SNTB1: variants seen among roughly 807,000 people sequenced by gnomAD.
SNTB1 encodes the protein beta-1-syntrophin.
In SNTB1, 36 loss-of-function variants were observed where a neutral mutation model predicts 48.9. That is an observed-to-expected ratio of 0.74 (90% confidence interval 0.56 to 0.97). The LOEUF is 0.97. Ranked by LOEUF, SNTB1 falls within the 50% of genes least tolerant of loss-of-function variation. The pLI is 0.00. For missense variants in SNTB1, 786 were observed against 703.4 expected (o/e 1.12, Z -1.33); for synonymous variants, 299 against 294.6 (o/e 1.01, Z -0.15).
rs112878980 is a variant in SNTB1, at chr8:120,564,116, A to C, written c.1136+10970T>G. Among the ~76,000 whole-genome samples the C allele has an allele frequency of 6.3e-3, 959 of 151,606 alleles. 4 individuals are homozygous for C. Among genetic ancestry groups the C allele is most frequent in the Middle Eastern group, 6.9e-3 (2 of 290 alleles). ...AGAGCAAAACTCTGTCTCAAACAAAAAAAAAAAAAAAGAATTATGTACATA... is the reference window on the plus strand; with the variant it reads ...AGAGCAAAACTCTGTCTCAAACAAACAAAAAAAAAAAGAATTATGTACATA... On this transcript the variant is annotated intron_variant, in intron 4 of 6. Coordinates refer to ENST00000517992, the MANE Select transcript of SNTB1 (RefSeq NM_021021.4).
At chr8:120,727,934 G>T (rs1300654885) in intron 1 of SNTB1, among the ~76,000 whole-genome samples, 2 of 152,144 alleles carry the variant, frequency 1.3e-5, no homozygotes, top group Non-Finnish European at 2.9e-5. Flanking sequence ...TGTAACTGTG[G>T]TACGGTATTA....
At chr8:120,596,316 T>C (rs1816324808) in intron 3 of SNTB1, among the ~76,000 whole-genome samples, 1 of 152,238 alleles carries the variant, frequency 6.6e-6, no homozygotes, top group African/African-American at 2.4e-5. Flanking sequence ...AATATCAACA[T>C]TTATTAATTT....
intron 4 of SNTB1, among the ~76,000 whole-genome samples, chr8:120,564,620 G>A (rs1215503132): frequency 3.2e-5 from 4 of 126,006 alleles, no homozygotes; most frequent in Admixed American, 1.0e-4. Context: ...CCAGGTTGGA[G>A]TGCAATGGCG....
chr8:120,586,296 C>T (rs1816138777), intron 3 of SNTB1, among the ~76,000 whole-genome samples: 1 of 152,194 alleles, frequency 6.6e-6, no homozygotes, highest in Admixed American at 6.5e-5. Flanking sequence ...GTATTCGTTT[C>T]CTATTGGTGC....
chr8:120,787,975 G>A (rs2130144421), intron 1 of SNTB1, among the ~76,000 whole-genome samples: 2 of 152,264 alleles, frequency 1.3e-5, no homozygotes, highest in East Asian at 3.9e-4. Context: ...ACAGCAGTGA[G>A]ACAAAAGCAT....
At chr8:120,596,095 C>A (rs900473585) in intron 3 of SNTB1, among the ~76,000 whole-genome samples, 1 of 152,180 alleles carries the variant, frequency 6.6e-6, no homozygotes, top group Non-Finnish European at 1.5e-5. Context: ...TAATCACATA[C>A]ATCCATACCC....
intron 1 of SNTB1, among the ~76,000 whole-genome samples, chr8:120,753,863 A>G (rs1819265000): frequency 6.6e-6 from 1 of 152,220 alleles, no homozygotes; most frequent in Non-Finnish European, 1.5e-5. Context: ...ATTTGTGTAT[A>G]CAATGAATTT....
intron 5 of SNTB1, among the ~76,000 whole-genome samples, chr8:120,547,237 T>G (rs1056053883): frequency 6.6e-6 from 1 of 152,222 alleles, no homozygotes; most frequent in African/African-American, 2.4e-5. Context: ...TCTATTCTAC[T>G]TTATTTCATT....
At chr8:120,672,003 C>T (rs1587078178) in intron 2 of SNTB1, among the ~76,000 whole-genome samples, 1 of 152,224 alleles carries the variant, frequency 6.6e-6, no homozygotes, top group African/African-American at 2.4e-5. Context: ...TCAGTAGAAA[C>T]TGTACTTCAA....
At chr8:120,796,754 C>T (rs1314464579) in intron 1 of SNTB1, among the ~76,000 whole-genome samples, 3 of 152,020 alleles carry the variant, frequency 2.0e-5, no homozygotes, top group Non-Finnish European at 4.4e-5. Context: ...GAGAGCATTC[C>T]TTCCCATTCC....
chr8:120,693,173 C>A (rs569369861), intron 2 of SNTB1, among the ~76,000 whole-genome samples: 10 of 152,088 alleles, frequency 6.6e-5, no homozygotes, highest in Non-Finnish European at 1.3e-4. Flanking sequence ...TGCCTCGGGG[C>A]GGGCACCAAG....
chr8:120,653,273 A>T (rs1817438802), intron 2 of SNTB1, among the ~76,000 whole-genome samples: 1 of 152,158 alleles, frequency 6.6e-6, no homozygotes, highest in African/African-American at 2.4e-5. Flanking sequence ...GGTGGGTCCT[A>T]AATCCAATGA....
chr8:120,610,891 G>C (rs1245596478), intron 3 of SNTB1, among the ~76,000 whole-genome samples: 1 of 152,164 alleles, frequency 6.6e-6, no homozygotes, highest in East Asian at 1.9e-4. Flanking sequence ...CAACACACCT[G>C]CTGTGTGTGG....
Position 120,584,340 on chromosome 8 carries a change from G to A in SNTB1, c.997-9115C>T, listed in dbSNP as rs866243356. ...GCCTGTAGTCCCAACTACTTGGGAG[G>A]CTGAGGCAGAGTTGCTCGAACCCAG... is the stretch of plus-strand genomic sequence containing the variant. On this transcript the variant is annotated intron_variant, in intron 3 of 6. Coordinates refer to ENST00000517992, the MANE Select transcript of SNTB1 (RefSeq NM_021021.4). Among the ~76,000 whole-genome samples, 15 of 150,474 alleles carry A rather than the reference G, an allele frequency of 1.0e-4. No homozygotes were observed. The Middle Eastern group carries it at 0.017, about 171-fold the overall frequency.
chr8:120,791,761 C>T (rs903152732), intron 1 of SNTB1, among the ~76,000 whole-genome samples: 4 of 151,814 alleles, frequency 2.6e-5, no homozygotes, highest in African/African-American at 4.8e-5. Context: ...CTACCTTACC[C>T]CAATCAGAAT....
intron 1 of SNTB1, among the ~76,000 whole-genome samples, chr8:120,752,692 T>A (rs1750172492): frequency 6.7e-6 from 1 of 149,584 alleles, no homozygotes; most frequent in African/African-American, 2.5e-5. Context: ...CTAAGTTAAT[T>A]AGGATATCCT....
chr8:120,557,230 A>C (rs1267593646), intron 4 of SNTB1, among the ~76,000 whole-genome samples: 1 of 152,218 alleles, frequency 6.6e-6, no homozygotes, highest in Non-Finnish European at 1.5e-5. Context: ...TATCTGTGGA[A>C]GTGTTCAAGC....
intron 2 of SNTB1, among the ~76,000 whole-genome samples, chr8:120,664,504 A>G (rs1333723451): frequency 6.6e-6 from 1 of 152,192 alleles, no homozygotes; most frequent in Non-Finnish European, 1.5e-5. Flanking sequence ...CATTTTCTAG[A>G]ATTTTAATAA....
intron 4 of SNTB1, among the ~76,000 whole-genome samples, chr8:120,559,683 C>G (rs370650435): frequency 1.3e-5 from 2 of 152,170 alleles, no homozygotes; most frequent in South Asian, 4.1e-4. Context: ...CCCCAAAAAC[C>G]TGTCTTTCAA....
Sources: gnomAD v4.1 joint callset for allele counts (sites outside exome capture counted in the v4.1 genomes callset) on GRCh38, gnomAD v4.1.1 for gene constraint, MANE v1.5 for transcripts, NCBI Gene and HGNC (gene_info 2026-07-23, HGNC 2026-07-21) for gene names.